PTAFR: variants seen among roughly 807,000 people sequenced by gnomAD.
The protein encoded by PTAFR is platelet-activating factor receptor.
A neutral mutation model predicts 14.7 loss-of-function variants in PTAFR; 8 were observed. The ratio of observed to expected loss-of-function variants is 0.54; its 90% CI spans 0.32 to 0.98. The LOEUF is 0.98. Among genes scored for constraint, PTAFR ranks in the 50% least tolerant of loss-of-function variants. The pLI is 0.04. For synonymous variants in PTAFR, 156 were observed against 176.5 expected (o/e 0.88, Z 0.92); for missense variants, 337 against 451.2 (o/e 0.75, Z 2.29).
At chr1:28,167,097 A>T (rs1646394083) in intron 1 of PTAFR, among the ~76,000 whole-genome samples, 1 of 152,228 alleles carries the variant, frequency 6.6e-6, no homozygotes, top group South Asian at 2.1e-4. Context: ...ACGAAAGCAC[A>T]AATAAACTAT....
chr1:28,158,180 G>A (rs901226798), intron 1 of PTAFR, among the ~76,000 whole-genome samples: 7 of 152,144 alleles, frequency 4.6e-5, no homozygotes, highest in Non-Finnish European at 1.0e-4. Flanking sequence ...CAGGTGTAAC[G>A]CGGTTTCAGA....
intron 1 of PTAFR, among the ~76,000 whole-genome samples, chr1:28,190,798 C>G (rs1347808083): frequency 1.3e-5 from 2 of 152,136 alleles, no homozygotes; most frequent in Non-Finnish European, 2.9e-5. Flanking sequence ...TCCTCCTCAC[C>G]ACAACCTCAG....
chr1:28,177,724 G>C (rs145068307), upstream of PTAFR, among the ~76,000 whole-genome samples: 3 of 152,070 alleles, frequency 2.0e-5, no homozygotes, highest in East Asian at 5.8e-4. Flanking sequence ...TTCAAATTTG[G>C]ACATACTTTC....
At chr1:28,169,471 A>G (rs1646428773) in intron 1 of PTAFR, among the ~76,000 whole-genome samples, 1 of 152,196 alleles carries the variant, frequency 6.6e-6, no homozygotes, top group South Asian at 2.1e-4. Context: ...ATCAAGCGAA[A>G]TAAAGGATGT....
chr1:28,190,183 G>A (rs909836861), intron 1 of PTAFR, among the ~76,000 whole-genome samples: 1 of 150,834 alleles, frequency 6.6e-6, no homozygotes, highest in Non-Finnish European at 1.5e-5. Context: ...TGTTGGTCAC[G>A]CTGGTCTCAA....
At chr1:28,163,063 G>A (rs750939203) in intron 1 of PTAFR, among the ~76,000 whole-genome samples, 6 of 151,954 alleles carry the variant, frequency 3.9e-5, no homozygotes, top group South Asian at 4.1e-4. Context: ...TGAATTTCTC[G>A]CTGCTTCCCT....
At chr1:28,168,468 T>C (rs898489616) in intron 1 of PTAFR, among the ~76,000 whole-genome samples, 4 of 152,138 alleles carry the variant, frequency 2.6e-5, no homozygotes, top group African/African-American at 9.7e-5. Flanking sequence ...GGATGAATCT[T>C]GAAGACATTT....
intron 1 of PTAFR, among the ~76,000 whole-genome samples, chr1:28,158,119 G>A (rs1646286458): frequency 1.3e-5 from 2 of 152,164 alleles, no homozygotes; most frequent in South Asian, 4.1e-4. Context: ...CATTTTGCAA[G>A]AGAGAGATTC....
At chr1:28,185,077 C>T (rs1187306929) in intron 1 of PTAFR, among the ~76,000 whole-genome samples, 1 of 152,172 alleles carries the variant, frequency 6.6e-6, no homozygotes, top group African/African-American at 2.4e-5. Flanking sequence ...AGCCATCCCC[C>T]CACATTCCCA....
intron 1 of PTAFR, among the ~76,000 whole-genome samples, chr1:28,153,228 T>C (rs2148993197): frequency 6.6e-6 from 1 of 152,260 alleles, no homozygotes; most frequent in East Asian, 1.9e-4. Flanking sequence ...TTGACCAGCC[T>C]AGACAACATA....
At chr1:28,157,074 G>A (rs1488064885) in intron 1 of PTAFR, among the ~76,000 whole-genome samples, 1 of 152,210 alleles carries the variant, frequency 6.6e-6, no homozygotes, top group Non-Finnish European at 1.5e-5. Flanking sequence ...AAACATGTGA[G>A]GCATTCACTG....
chr1:28,175,191 C>T (rs780293235), intron 1 of PTAFR, among the ~76,000 whole-genome samples: 5 of 152,122 alleles, frequency 3.3e-5, no homozygotes, highest in South Asian at 2.1e-4. Context: ...GGATTACAGA[C>T]GTGAGCCACC....
At chr1:28,181,683 G>C (rs1045540850), upstream of PTAFR, among the ~76,000 whole-genome samples, 1 of 151,572 alleles carries the variant, frequency 6.6e-6, no homozygotes, top group African/African-American at 2.4e-5. Flanking sequence ...CGGAGGTTGC[G>C]GTGAGCCGAG....
chr1:28,161,417 T>G (rs962728273), intron 1 of PTAFR, among the ~76,000 whole-genome samples: 1 of 152,176 alleles, frequency 6.6e-6, no homozygotes, highest in Admixed American at 6.5e-5. Context: ...CAAAAATAAG[T>G]GGAGCAACAA....
chr1:28,151,240 C>T (rs1646183506), intron 1 of PTAFR, among the ~76,000 whole-genome samples, 181 bp from the exon 2 acceptor site: 2 of 151,258 alleles, frequency 1.3e-5, no homozygotes, highest in African/African-American at 2.4e-5. Flanking sequence ...AGTGCAGTGG[C>T]GTGATCTCAG....
At chr1:28,157,170 G>A (rs1359500545) in intron 1 of PTAFR, among the ~76,000 whole-genome samples, 2 of 152,072 alleles carry the variant, frequency 1.3e-5, no homozygotes, top group African/African-American at 4.8e-5. Context: ...GACAGGGCTT[G>A]GCTCTGTCAC....
upstream of PTAFR, among the ~76,000 whole-genome samples, chr1:28,180,394 T>A (rs1646552716): frequency 6.6e-6 from 1 of 151,794 alleles, no homozygotes; most frequent in Non-Finnish European, 1.5e-5. Flanking sequence ...TATATATATA[T>A]AAAAAAGAAG....
rs968414879 is a variant in PTAFR, at chr1:28,147,243, A to G, written c.*2750T>C. The G allele has an allele frequency of 6.6e-6, 1 of 152,190 alleles. No homozygotes were observed. The highest frequency in any genetic ancestry group is 6.5e-5 in the Admixed American group (1 of 15,270). 9.4% of individuals were successfully genotyped at this position (152,190 alleles called of 1,614,324 possible). A position where few individuals can be genotyped will look rare whatever the true frequency, so the allele number is the denominator to read the frequency against. On this transcript the variant is annotated 3_prime_UTR_variant, in exon 2 of 2. Transcript: ENST00000373857. ...ATTGCAAAAATTTCGAGGCGGGTAC[A>G]TGAATGACTGAAATTCAGGAGACGC...
intron 1 of PTAFR, among the ~76,000 whole-genome samples, chr1:28,185,360 A>G (rs1029397286): frequency 6.6e-6 from 1 of 152,124 alleles, no homozygotes; most frequent in East Asian, 1.9e-4. Context: ...GATACACTAA[A>G]CTAGGGCAGT....
Sources: gnomAD v4.1 joint callset for allele counts (sites outside exome capture counted in the v4.1 genomes callset) on GRCh38, gnomAD v4.1.1 for gene constraint, MANE v1.5 for transcripts, NCBI Gene and HGNC (gene_info 2026-07-23, HGNC 2026-07-21) for gene names.